Variants in PLA2G6 observed in about 807,000 individuals in gnomAD.
PLA2G6 encodes the protein phospholipase A2 group VI.
A neutral mutation model predicts 83.8 loss-of-function variants in PLA2G6; 62 were observed. That is an observed-to-expected ratio of 0.74 (90% CI 0.60 to 0.91). The LOEUF is 0.91. Ranked by LOEUF, PLA2G6 falls within the 40% of genes least tolerant of loss-of-function variation. The pLI, the probability that PLA2G6 is intolerant of heterozygous loss-of-function variation, is 0.00. For missense variants in PLA2G6, 944 were observed against 1,102.0 expected, an observed-to-expected ratio of 0.86 and a Z score of 2.03; for synonymous variants, 417 against 449.8, an observed-to-expected ratio of 0.93 and a Z score of 0.92.
In PLA2G6 at chr22:38,120,934, G is replaced by T. The variant is rs2087491599; in HGVS notation, c.1592-25C>A. The T allele has an allele frequency of 2.5e-6, 4 of 1,611,700 alleles. No homozygotes were observed. The East Asian group carries it at 6.7e-5, about 27-fold the overall frequency. ...CCTAGGAACAAAGGGGTCAGAGGCGGGGAGATGCAGCGGCCACACGCAGGG... is the reference window on the plus strand; with the variant it reads ...CCTAGGAACAAAGGGGTCAGAGGCGTGGAGATGCAGCGGCCACACGCAGGG... On this transcript the variant is annotated intron_variant, in intron 11 of 16. Coordinates refer to ENST00000332509, the MANE Select transcript of PLA2G6 (RefSeq NM_003560.4).
rs779376537 is a variant in PLA2G6 at position 38,115,605 on chromosome 22, G to A, written c.1956C>T (p.Asp652=). The change falls in exon 14 of 17, where the codon GAC becomes GAT. Residue 652 remains aspartate, a synonymous_variant. Transcript: ENST00000332509. ...TYFRPNGRFL[D]GGLLANNPTL... ...TGGGGTTGTTGGCCAGCAGCCCACC[G>A]TCCAGGAAGCGCCCATTGGGTCGGA... 5.3e-5 allele frequency: 85 copies of A among 1,612,638 alleles called. No individual in the cohort carries two copies. The highest frequency in any genetic ancestry group is 4.7e-4 in the Admixed American group (28 of 59,864).
chr22:38,175,104 G>C (rs1308629687), intron 1 of PLA2G6, among the ~76,000 whole-genome samples: 1 of 152,138 alleles, frequency 6.6e-6, no homozygotes, highest in South Asian at 2.1e-4. Flanking sequence ...GCAGCTGCCA[G>C]GCCCAGGCAG....
chr22:38,132,974 T>C lies in PLA2G6; in HGVS notation c.934A>G (p.Ser312Gly). Residue 312 changes from serine to glycine, a missense_variant, in exon 7 of 17, where the codon AGC (serine) becomes GGC (glycine). Coordinates refer to ENST00000332509, the MANE Select transcript of PLA2G6 (RefSeq NM_003560.4). The surrounding 1 kb of genome is among the most constrained non-coding windows in gnomAD (Gnocchi z 5.0). Reference protein sequence around the residue: ...MLLKRGCNVNSTSSAGNTALH... With the variant: ...MLLKRGCNVNGTSSAGNTALH... ...GCCGTGTTCCCCGCGGAGCTGGTGC[T>C]GTTCACGTTGCAGCCCCGTTTCAGC... 1 of 1,566,632 alleles carries C rather than the reference T, an allele frequency of 6.4e-7. No individual in the cohort carries two copies. The highest frequency in any genetic ancestry group is 8.6e-7 in the Non-Finnish European group (1 of 1,156,138).
At position 38,169,448 on chromosome 22, in the gene PLA2G6, G is replaced by A. The variant is rs1430657863; in HGVS notation, c.-22C>T. ...GCATCTTCTGCGGGGCAGGTGGGGA[G>A]GCCCCACCGTCTTCCCCCTCTGTCT... On this transcript the variant is annotated 5_prime_UTR_variant, in exon 2 of 17. Transcript: ENST00000332509. The A allele has an allele frequency of 6.3e-7, 1 of 1,599,260 alleles. No individual in the cohort carries two copies. The highest frequency in any genetic ancestry group is 2.2e-5 in the East Asian group (1 of 44,764).
At chr22:38,153,584 C>A (rs181947558) in intron 2 of PLA2G6, among the ~76,000 whole-genome samples, 1 of 150,004 alleles carries the variant, frequency 6.7e-6, no homozygotes, top group Non-Finnish European at 1.5e-5. Context: ...TGCAGTGAGC[C>A]GAGATCGCGC....
intron 2 of PLA2G6, among the ~76,000 whole-genome samples, chr22:38,168,576 G>A (rs2090311242): frequency 6.6e-6 from 1 of 152,168 alleles, no homozygotes; most frequent in African/African-American, 2.4e-5. Context: ...TAGGCCAGGT[G>A]CAGTGGCTCA....
intron 13 of PLA2G6, 102 bp from the exon 14 acceptor site, chr22:38,115,783 G>C: frequency 6.7e-7 from 1 of 1,495,662 alleles, no homozygotes; most frequent in Non-Finnish European, 8.9e-7. Flanking sequence ...GGGGGTGCGG[G>C]AAGAGGGGAG....
At chr22:38,164,782 C>T (rs2090152930) in intron 2 of PLA2G6, among the ~76,000 whole-genome samples, 3 of 152,188 alleles carry the variant, frequency 2.0e-5, no homozygotes, top group Non-Finnish European at 4.4e-5. Flanking sequence ...GTCCAGAGGC[C>T]TCTAGGGCAA....
chr22:38,129,460 C>T lies in PLA2G6; in HGVS notation c.1180G>A (p.Gly394Ser), dbSNP rs745443102. 25 of 1,609,488 alleles carry T rather than the reference C, an allele frequency of 1.6e-5. No individual in the cohort carries two copies. Among genetic ancestry groups the T allele is most frequent in the Non-Finnish European group, 1.8e-5 (21 of 1,175,912 alleles). ...ETPTFLASKI[G>S]RLVTRKAILT... is the part of the protein sequence containing the mutation. The stretch of plus-strand genomic sequence containing the variant: ...CAGAGTGCAGAGCACATACGTCTGC[C>T]GATTTTGGAGGCTAGGAATGTAGGA... Residue 394 changes from glycine (G) to serine (S), a missense_variant, in exon 8 of 17, where the codon GGC (glycine) becomes AGC (serine). Physicochemically the swap from Gly to Ser is moderately conservative, Grantham distance 56. Coordinates refer to ENST00000332509, the MANE Select transcript of PLA2G6 (RefSeq NM_003560.4).
intron 1 of PLA2G6, among the ~76,000 whole-genome samples, chr22:38,171,795 T>C (rs767123458): frequency 6.7e-6 from 1 of 148,322 alleles, no homozygotes; most frequent in Non-Finnish European, 1.5e-5. Context: ...CACTCCAGCC[T>C]AGGTGACAGA....
At chr22:38,142,851 T>TG (rs2089002080) in intron 4 of PLA2G6, 1 of 537,198 alleles carries the variant, frequency 1.9e-6, no homozygotes, top group Admixed American at 3.1e-5. Flanking sequence ...GGGCCTTTTT[T>TG]GGGGTTTATT....
chr22:38,143,518 C>T, intron 3 of PLA2G6: 1 of 621,358 alleles, frequency 1.6e-6, no homozygotes. Flanking sequence ...AGAGATGGGC[C>T]CCAGGGCCAC....
At chr22:38,140,489 T>A in intron 4 of PLA2G6, 1 of 318,308 alleles carries the variant, frequency 3.1e-6, no homozygotes. Context: ...GCCTGGGCAA[T>A]AGAGCAAAAA....
intron 3 of PLA2G6, chr22:38,143,593 C>T: frequency 2.0e-6 from 1 of 504,114 alleles, no homozygotes; most frequent in Non-Finnish European, 3.6e-6. Flanking sequence ...ATCTCACTAG[C>T]CTCAGGCAAT....
chr22:38,150,944 A>T (rs1265538855), intron 2 of PLA2G6, among the ~76,000 whole-genome samples: 1 of 152,124 alleles, frequency 6.6e-6, no homozygotes, highest in African/African-American at 2.4e-5. Flanking sequence ...AAAATTAGTC[A>T]GGTGTAGTGG....
At chr22:38,126,343 G>A (rs775663600) in intron 10 of PLA2G6, 28 bp downstream of exon 10, 19 of 1,570,252 alleles carry the variant, frequency 1.2e-5, no homozygotes, top group Admixed American at 8.3e-5. Flanking sequence ...CACGTTCCCC[G>A]CTCTGCCCCC....
chr22:38,149,180 T>TACGA (rs1211482411), intron 2 of PLA2G6: 1 of 152,220 alleles, frequency 6.6e-6, no homozygotes, highest in African/African-American at 2.4e-5. Flanking sequence ...AGATTATTTC[T>TACGA]ACGAGCATAC....
intron 1 of PLA2G6, among the ~76,000 whole-genome samples, chr22:38,172,087 G>C (rs133006): frequency 6.6e-6 from 1 of 152,126 alleles, no homozygotes; most frequent in Admixed American, 6.5e-5. Flanking sequence ...CCTGCCAGAC[G>C]GTAAGCTTCG....
chr22:38,165,829 G>A (rs927097518), intron 2 of PLA2G6, among the ~76,000 whole-genome samples: 2 of 152,250 alleles, frequency 1.3e-5, no homozygotes, highest in Middle Eastern at 3.4e-3. Context: ...GCAGTGAGCT[G>A]ACATTGTGCC....
Sources: gnomAD v4.1 joint callset for allele counts (sites outside exome capture counted in the v4.1 genomes callset) on GRCh38, gnomAD v4.1.1 for gene constraint, Gnocchi (gnomAD v3.1) non-coding constraint, MANE v1.5 for transcripts, NCBI Gene and HGNC (gene_info 2026-07-23, HGNC 2026-07-21) for gene names.